Variants in DEDD observed in about 807,000 individuals in gnomAD.
DEDD encodes death effector domain-containing protein.
In DEDD, 3 loss-of-function variants were observed where a neutral mutation model predicts 29.2. The ratio of observed to expected loss-of-function variants is 0.10; its 90% CI spans 0.05 to 0.27. The LOEUF (loss-of-function observed/expected upper bound fraction) is 0.27, where lower values mean the gene tolerates loss of function less well. DEDD is among the 10% of genes least tolerant of loss of function. DEDD has a pLI of 1.00. For missense variants in DEDD, 261 were observed against 420.5 expected (o/e 0.62, Z 3.32); for synonymous variants, 152 against 161.3 (o/e 0.94, Z 0.44).
chr1:161,121,952 A>AG lies in DEDD; in HGVS notation c.*194dup, dbSNP rs1170666977. ...CGGGGTAAATGGAAAAGGGAAATAA[A>AG]GGGGAAGCCCAGGCACATGGGTGCA... is the stretch of plus-strand genomic sequence containing the variant. On this transcript the variant is annotated 3_prime_UTR_variant, in exon 6 of 6. Coordinates refer to ENST00000368006, the MANE Select transcript of DEDD (RefSeq NM_032998.3). 1.5e-6 allele frequency: 1 copy of AG among 648,680 alleles called. No homozygotes were observed. The highest frequency in any genetic ancestry group is 1.8e-5 in the African/African-American group (1 of 54,746). The allele number at this position is 648,680 out of a possible 1,614,324, so 40.2% of individuals were successfully genotyped here.
At chr1:161,123,768 G>T in intron 4 of DEDD, 71 bp downstream of exon 4, 2 of 1,371,188 alleles carry the variant, frequency 1.5e-6, no homozygotes, top group Non-Finnish European at 2.0e-6. Flanking sequence ...AGCTGGCAAA[G>T]CCCAGAATGT....
At position 161,123,123 on chromosome 1, in the gene DEDD, TTCGCTG is replaced by T; in HGVS notation, c.526_531del (p.Gln176_Arg177del). ...TCTGGTGTCACTGACTTCCGGCGTT[TTCGCTG>T]GCTCCCAAGTGTGGCTCTCCCTCGG... is the stretch of plus-strand genomic sequence containing the variant. On this transcript the variant is annotated inframe_deletion, in exon 5 of 6. Transcript: ENST00000368006. 2 of 1,614,214 alleles carry T rather than the reference TTCGCTG, an allele frequency of 1.2e-6. No homozygotes were observed. Among genetic ancestry groups the T allele is most frequent in the Non-Finnish European group, 1.7e-6 (2 of 1,180,038 alleles).
intron 2 of DEDD, among the ~76,000 whole-genome samples, chr1:161,130,506 T>C (rs1341772075): frequency 6.6e-6 from 1 of 151,858 alleles, no homozygotes; most frequent in Admixed American, 6.6e-5. Flanking sequence ...TAGTAGACAA[T>C]GTACTAGAAT....
Position 161,122,399 on chromosome 1 carries a change from G to A in DEDD, c.705C>T (p.Ile235=). 1 of 1,614,246 alleles carries A rather than the reference G, an allele frequency of 6.2e-7. No individual in the cohort carries two copies. Among genetic ancestry groups the A allele is most frequent in the Non-Finnish European group, 8.5e-7 (1 of 1,180,044 alleles). ...TGGAGCCCAGGTCCCGGGACTTGAG[G>A]ATGGTGTTGGCCTGGTTAAAGCGCT... is the stretch of plus-strand genomic sequence containing the variant. ...QFERFNQANT[I]LKSRDLGSII... The change falls in exon 6 of 6, where the codon ATC becomes ATT. Residue 235 remains isoleucine, a synonymous_variant. Transcript: ENST00000368006. This position sits in a 1 kb window ranked among gnomAD's most constrained non-coding sequence, Gnocchi z 4.2.
rs1655435195 is a variant in DEDD at position 161,121,050 on chromosome 1, TATA to T, written c.*1094_*1096del. ...GCTGAGCAGCACTGGCATTGAAAAA[TATA>T]ATAATCATAAAGTCTGTGTCTGGAC... is the stretch of plus-strand genomic sequence containing the variant. On this transcript the variant is annotated 3_prime_UTR_variant, in exon 6 of 6. Transcript: ENST00000368006. 2.3e-6 allele frequency: 3 copies of T among 1,279,710 alleles called. No individual in the cohort carries two copies. The Admixed American group carries it at 1.1e-4, about 47-fold the overall frequency. The allele number at this position is 1,279,710 out of a possible 1,614,324, so 79.3% of individuals were successfully genotyped here. A position where few individuals can be genotyped will look rare whatever the true frequency, so the allele number is the denominator to read the frequency against.
chr1:161,124,700 A>C, intron 2 of DEDD, 174 bp from the exon 3 acceptor site: 1 of 816,970 alleles, frequency 1.2e-6, no homozygotes, highest in Non-Finnish European at 1.7e-6. Flanking sequence ...AGGGGCTCAC[A>C]CCTGTAATCC....
At chr1:161,131,040 T>TTA (rs1482536683) in intron 1 of DEDD, 193 bp from the exon 2 acceptor site, 3 of 152,168 alleles carry the variant, frequency 2.0e-5, no homozygotes, top group Non-Finnish European at 2.9e-5. Flanking sequence ...TAACTCTCTA[T>TTA]TAGTCAATTT....
chr1:161,123,985 C>T (rs769147919), intron 3 of DEDD, 39 bp from the exon 4 acceptor site: 2 of 1,606,020 alleles, frequency 1.2e-6, no homozygotes, highest in Admixed American at 1.7e-5. Context: ...AAATATACAC[C>T]CTTCCCTTCT....
Position 161,121,308 on chromosome 1 carries a change from A to C in DEDD, c.*839T>G. ...CTATGATGCCCTTTGCCCAAGCCAG[A>C]AGAAAGCAAAGGGGAAAAGGGCTGC... is the stretch of plus-strand genomic sequence containing the variant. On this transcript the variant is annotated 3_prime_UTR_variant, in exon 6 of 6. Coordinates refer to ENST00000368006, the MANE Select transcript of DEDD (RefSeq NM_032998.3). 1 of 397,162 alleles carries C rather than the reference A, an allele frequency of 2.5e-6. No homozygotes were observed. Among genetic ancestry groups the C allele is most frequent in the Non-Finnish European group, 3.4e-6 (1 of 291,306 alleles). The allele number at this position is 397,162 out of a possible 1,614,324, so 24.6% of individuals were successfully genotyped here.
rs1311160929 is a variant in DEDD at position 161,124,587 on chromosome 1, C to T, written c.-64-61G>A. 3.4e-6 allele frequency: 5 copies of T among 1,459,322 alleles called. No individual in the cohort carries two copies. The South Asian group carries it at 7.2e-5, about 21-fold the overall frequency. The allele number at this position is 1,459,322 out of a possible 1,614,324, so 90.4% of individuals were successfully genotyped here. On this transcript the variant is annotated intron_variant, in intron 2 of 5. Coordinates refer to ENST00000368006, the MANE Select transcript of DEDD (RefSeq NM_032998.3). Reference sequence around the variant, plus strand: ...AGGGCAGGAACTAGTCTCATGCATTCCCATATTCCCAGTTGCTAACAATGC... The same window carrying T: ...AGGGCAGGAACTAGTCTCATGCATTTCCATATTCCCAGTTGCTAACAATGC...
Position 161,121,060 on chromosome 1 carries a change from A to C in DEDD, c.*1087T>G. The C allele has an allele frequency of 8.1e-7, 1 of 1,241,948 alleles. No individual in the cohort carries two copies. Among genetic ancestry groups the C allele is most frequent in the Non-Finnish European group, 1.0e-6 (1 of 983,914 alleles). 76.9% of individuals were successfully genotyped at this position (1,241,948 alleles called of 1,614,324 possible). A position where few individuals can be genotyped will look rare whatever the true frequency, so the allele number is the denominator to read the frequency against. ...ACTGGCATTGAAAAATATAATAATC[A>C]TAAAGTCTGTGTCTGGACATCGCCT... On this transcript the variant is annotated 3_prime_UTR_variant, in exon 6 of 6. Coordinates refer to ENST00000368006, the MANE Select transcript of DEDD (RefSeq NM_032998.3).
chr1:161,124,701 C>T (rs1245725220), intron 2 of DEDD, 175 bp from the exon 3 acceptor site: 4 of 814,170 alleles, frequency 4.9e-6, no homozygotes, highest in African/African-American at 1.7e-5. Flanking sequence ...GGGGCTCACA[C>T]CTGTAATCCC....
intron 4 of DEDD, 39 bp from the exon 5 acceptor site, chr1:161,123,260 A>G: frequency 5.7e-6 from 9 of 1,577,482 alleles, no homozygotes; most frequent in Non-Finnish European, 6.1e-6. Flanking sequence ...ACAGTAGGGT[A>G]AAGGCAGAAA....
chr1:161,122,852 AC>A lies in DEDD; in HGVS notation c.580+222del. On this transcript the variant is annotated intron_variant, in intron 5 of 5. Coordinates refer to ENST00000368006, the MANE Select transcript of DEDD (RefSeq NM_032998.3). This position sits in a 1 kb window ranked among gnomAD's most constrained non-coding sequence, Gnocchi z 4.2. ...CTCATCCTACAATAAGGATGTCATA[AC>A]AACATCCCTGTGATGTAGTATTAAC... 1 of 834,446 alleles carries A rather than the reference AC, an allele frequency of 1.2e-6. No individual in the cohort carries two copies. The highest frequency in any genetic ancestry group is 1.7e-5 in the South Asian group (1 of 59,628). 51.7% of individuals were successfully genotyped at this position (834,446 alleles called of 1,614,324 possible).
At chr1:161,129,588 T>C (rs1022232868) in intron 2 of DEDD, among the ~76,000 whole-genome samples, 1 of 148,910 alleles carries the variant, frequency 6.7e-6, no homozygotes, top group Admixed American at 6.7e-5. Flanking sequence ...TTAGTAAAAT[T>C]AGAAAAGAAA....
chr1:161,130,116 G>A (rs1428818851), intron 2 of DEDD, among the ~76,000 whole-genome samples: 1 of 152,090 alleles, frequency 6.6e-6, no homozygotes, highest in South Asian at 2.1e-4. Context: ...AAAGCGACAT[G>A]AAAGAAATAA....
At chr1:161,124,774 C>A in intron 2 of DEDD, 1 of 281,642 alleles carries the variant, frequency 3.6e-6, no homozygotes, top group Non-Finnish European at 6.4e-6. Flanking sequence ...CCAGCCTGGG[C>A]AACATAGGGA....
At chr1:161,123,394 C>T (rs1655752597) in intron 4 of DEDD, among the ~76,000 whole-genome samples, 173 bp from the exon 5 acceptor site, 1 of 152,318 alleles carries the variant, frequency 6.6e-6, no homozygotes, top group African/African-American at 2.4e-5. Flanking sequence ...AATCCCAGCA[C>T]TTTGGGAGGC....
At position 161,122,139 on chromosome 1, in the gene DEDD, G is replaced by A; in HGVS notation, c.*8C>T. 1 of 1,611,928 alleles carries A rather than the reference G, an allele frequency of 6.2e-7. No homozygotes were observed. Among genetic ancestry groups the A allele is most frequent in the Non-Finnish European group, 8.5e-7 (1 of 1,179,442 alleles). ...GGAACAGTCCCCAAAGTGAGAAGAGGGAATAGGTCAGGGCAATGCTTGCAG... is the reference window on the plus strand; with the variant it reads ...GGAACAGTCCCCAAAGTGAGAAGAGAGAATAGGTCAGGGCAATGCTTGCAG... On this transcript the variant is annotated 3_prime_UTR_variant, in exon 6 of 6. Transcript: ENST00000368006. This position sits in a 1 kb window ranked among gnomAD's most constrained non-coding sequence, Gnocchi z 4.2.
Sources: allele counts gnomAD v4.1 joint callset (sites outside exome capture counted in the v4.1 genomes callset), GRCh38; gene constraint gnomAD v4.1.1; non-coding constraint Gnocchi (gnomAD v3.1); transcripts MANE v1.5; gene names NCBI Gene and HGNC (gene_info 2026-07-23, HGNC 2026-07-21).